The following PRKG1 variants were observed in gnomAD, a reference collection of about 807,000 sequenced individuals.
PRKG1 encodes protein kinase cGMP-dependent 1.
Under a neutral mutation model 88.1 loss-of-function variants are expected in PRKG1, and 35 were observed. The observed-to-expected ratio is 0.40, with a 90% CI of 0.30 to 0.53. The LOEUF is 0.53. PRKG1 is among the 20% of genes least tolerant of loss of function. The pLI, the probability that PRKG1 is intolerant of heterozygous loss-of-function variation, is 0.59. For synonymous variants in PRKG1, 303 were observed against 292.5 expected (o/e 1.04, Z -0.37); for missense variants, 540 against 839.8 (o/e 0.64, Z 4.41).
At chr10:51,167,772 C>T (rs560260232) in intron 2 of PRKG1, among the ~76,000 whole-genome samples, 14 of 152,184 alleles carry the variant, frequency 9.2e-5, no homozygotes, top group South Asian at 2.1e-4. Flanking sequence ...ATGGTGGTAC[C>T]ATTTTCTGAG....
chr10:51,386,070 G>A (rs1343135049), intron 2 of PRKG1, among the ~76,000 whole-genome samples: 1 of 152,144 alleles, frequency 6.6e-6, no homozygotes, highest in Non-Finnish European at 1.5e-5. Context: ...CAGTATAGAT[G>A]CCTTGTGTTC....
At chr10:51,179,593 C>T (rs749148865) in intron 2 of PRKG1, among the ~76,000 whole-genome samples, 6 of 152,186 alleles carry the variant, frequency 3.9e-5, no homozygotes, top group Non-Finnish European at 7.4e-5. Context: ...ATTCAGCACG[C>T]TAATCATGTG....
chr10:51,307,976 G>A (rs1418965709), intron 2 of PRKG1, among the ~76,000 whole-genome samples: 1 of 152,090 alleles, frequency 6.6e-6, no homozygotes, highest in Non-Finnish European at 1.5e-5. Flanking sequence ...TGTCTATTGA[G>A]CTCCACCTTT....
chr10:51,256,755 G>A (rs185487161), intron 2 of PRKG1, among the ~76,000 whole-genome samples: 131 of 152,262 alleles, frequency 8.6e-4, no homozygotes, highest in Admixed American at 2.7e-3. Flanking sequence ...CATTCTCTCA[G>A]TGGGAGTAGA....
chr10:51,075,035 C>A, intron 1 of PRKG1, 134 bp downstream of exon 1: 1 of 1,294,332 alleles, frequency 7.7e-7, no homozygotes, highest in Non-Finnish European at 1.0e-6. Context: ...TTCATTTTAA[C>A]GGGCACTTCT....
intron 2 of PRKG1, among the ~76,000 whole-genome samples, chr10:51,177,297 A>G (rs1837220072): frequency 6.6e-6 from 1 of 152,226 alleles, no homozygotes; most frequent in African/African-American, 2.4e-5. Context: ...ACTGAGCAAA[A>G]TGGATGAATT....
intron 1 of PRKG1, among the ~76,000 whole-genome samples, chr10:51,050,761 C>A (rs893317522): frequency 6.6e-6 from 1 of 152,026 alleles, no homozygotes; most frequent in Non-Finnish European, 1.5e-5. Flanking sequence ...GTGGCTGCAC[C>A]AGTTTACATT....
chr10:51,115,087 G>A (rs372922469), intron 1 of PRKG1, among the ~76,000 whole-genome samples: 5 of 151,738 alleles, frequency 3.3e-5, no homozygotes, highest in South Asian at 2.1e-4. Flanking sequence ...AGGCTGAGGC[G>A]GGCAGATCAC....
At chr10:51,334,176 CTCTCTCTCTCT>C (rs1841813354) in intron 2 of PRKG1, among the ~76,000 whole-genome samples, 3 of 151,362 alleles carry the variant, frequency 2.0e-5, no homozygotes, top group South Asian at 2.1e-4. Flanking sequence ...CTCTCTCTCT[CTCTCTCTCTCT>C]CTCTCACTCA....
chr10:51,045,526 A>G lies in PRKG1; in HGVS notation c.266+53882A>G, dbSNP rs187360483. On this transcript the variant is annotated intron_variant, in intron 1 of 17. Coordinates refer to the PRKG1 transcript ENST00000401604. ...TTTTTACTAGAGATGAGATTTTACC[A>G]TGTTGGCCAGGCTGGTCTCGAACTC... Among the ~76,000 whole-genome samples the G allele has an allele frequency of 2.5e-3, 386 of 152,114 alleles. 1 individual carries two copies. The highest frequency in any genetic ancestry group is 8.8e-3 in the African/African-American group (364 of 41,496).
intron 4 of PRKG1, among the ~76,000 whole-genome samples, chr10:51,860,755 T>C (rs1840853560): frequency 6.6e-6 from 1 of 152,074 alleles, no homozygotes; most frequent in Non-Finnish European, 1.5e-5. Flanking sequence ...AAATACCCAG[T>C]TCAGAGATTA....
intron 2 of PRKG1, among the ~76,000 whole-genome samples, chr10:51,294,499 A>G (rs1840667569): frequency 6.6e-6 from 1 of 152,112 alleles, no homozygotes; most frequent in African/African-American, 2.4e-5. Flanking sequence ...TGTTCTTGGA[A>G]CACTGTTAAA....
intron 2 of PRKG1, among the ~76,000 whole-genome samples, chr10:51,281,122 C>T (rs543549389): frequency 5.0e-4 from 76 of 152,278 alleles, no homozygotes; most frequent in African/African-American, 1.6e-3. Flanking sequence ...GTTTGCTGGA[C>T]GTCCACTCCG....
chr10:51,178,019 T>G (rs1001864868), intron 2 of PRKG1, among the ~76,000 whole-genome samples: 1 of 152,162 alleles, frequency 6.6e-6, no homozygotes, highest in Non-Finnish European at 1.5e-5. Context: ...CATTTGCTTG[T>G]ATCATCATTG....
At position 51,471,860 on chromosome 10, in the gene PRKG1, T is replaced by G. The variant is rs935255584; in HGVS notation, c.592+4024T>G. On this transcript the variant is annotated intron_variant, in intron 3 of 17. Transcript: ENST00000373980. ...ACATCTTGGTGCCTGGTCAATATAA[T>G]CACCACAGAAAGTTATCTACAAAGA... Among the ~76,000 whole-genome samples the G allele has an allele frequency of 7.2e-5, 11 of 151,974 alleles. 1 individual carries two copies. The South Asian group carries it at 2.3e-3, about 31-fold the overall frequency.
intron 2 of PRKG1, among the ~76,000 whole-genome samples, chr10:51,447,650 A>G (rs1230214669): frequency 6.6e-6 from 1 of 150,742 alleles, no homozygotes; most frequent in Non-Finnish European, 1.5e-5. Flanking sequence ...CTTCATCTGC[A>G]GTTTCTATGA....
chr10:51,014,091 GTTTA>G (rs1024833274), intron 1 of PRKG1, among the ~76,000 whole-genome samples: 3 of 152,272 alleles, frequency 2.0e-5, no homozygotes, highest in East Asian at 1.9e-4. Context: ...AATGAAAAAT[GTTTA>G]TTTATTTTGA....
At chr10:52,265,997 T>G (rs1015602888) in intron 10 of PRKG1, among the ~76,000 whole-genome samples, 19 of 152,068 alleles carry the variant, frequency 1.2e-4, no homozygotes, top group Non-Finnish European at 2.6e-4. Flanking sequence ...TTTCCCTTTT[T>G]AGGAATTTTG....
chr10:51,334,549 T>C (rs1841825606), intron 2 of PRKG1, among the ~76,000 whole-genome samples: 1 of 152,208 alleles, frequency 6.6e-6, no homozygotes, highest in African/African-American at 2.4e-5. Flanking sequence ...AGCACCACTG[T>C]ATTTCAAGCA....
Sources: gnomAD v4.1 joint callset for allele counts (sites outside exome capture counted in the v4.1 genomes callset) on GRCh38, gnomAD v4.1.1 for gene constraint, MANE v1.5 for transcripts, NCBI Gene and HGNC (gene_info 2026-07-23, HGNC 2026-07-21) for gene names.